PTPRH: variants seen among roughly 807,000 people sequenced by gnomAD.
PTPRH encodes the protein receptor-type tyrosine-protein phosphatase H.
In PTPRH, 113 loss-of-function variants were observed where a neutral mutation model predicts 130.2. The ratio of observed to expected loss-of-function variants is 0.87; its 90% CI spans 0.75 to 1.01. The LOEUF is 1.01. PTPRH is among the 50% of genes least tolerant of loss of function. The pLI is 0.00. For missense variants in PTPRH, 1,430 were observed against 1,425.0 expected, an observed-to-expected ratio of 1.00 and a Z score of -0.06; for synonymous variants, 556 against 577.9, an observed-to-expected ratio of 0.96 and a Z score of 0.54.
In PTPRH at chr19:55,205,005, C is replaced by T. The variant is rs148459512; in HGVS notation, c.619+321G>A. On this transcript the variant is annotated intron_variant, in intron 4 of 19. Transcript: ENST00000376350. ...CGCAGCTGGGGACTAGAAGAAGAGT[C>T]AGAGGGTCAGAGTGTCCCCACTCAC... Among the ~76,000 whole-genome samples the T allele has an allele frequency of 4.7e-3, 719 of 152,244 alleles. 3 individuals are homozygous for T. Among genetic ancestry groups the T allele is most frequent in the African/African-American group, 0.017 (689 of 41,520 alleles).
Position 55,181,790 on chromosome 19 carries a change from G to A in PTPRH, c.3312C>T (p.Asn1104=), listed in dbSNP as rs770213055. ...ACTTGTGGGCCTGGATGGCGGCCAC[G>A]TTCTCGTAGATGAGGTTTTCGACAT... The part of the protein sequence containing the change: ...YEDVENLIYE[N]VAAIQAHKLE... Residue 1104 remains asparagine, a synonymous_variant, in exon 20 of 20, where the codon AAC becomes AAT. Transcript: ENST00000376350. 2.8e-5 allele frequency: 46 copies of A among 1,614,178 alleles called. 1 individual carries two copies. Among genetic ancestry groups the A allele is most frequent in the South Asian group, 1.6e-4 (15 of 91,082 alleles).
intron 6 of PTPRH, 110 bp downstream of exon 6, chr19:55,201,946 C>A: frequency 6.6e-7 from 1 of 1,510,664 alleles, no homozygotes; most frequent in South Asian, 1.3e-5. Context: ...GACATGAGTA[C>A]CTGGCTCAAT....
intron 4 of PTPRH, among the ~76,000 whole-genome samples, 154 bp from the exon 5 acceptor site, chr19:55,204,202 C>T (rs556412156): frequency 6.6e-6 from 1 of 152,316 alleles, no homozygotes; most frequent in East Asian, 1.9e-4. Context: ...TCACCACAGC[C>T]TCCGCCGTCC....
In PTPRH at chr19:55,200,228, G is replaced by A. The variant is rs762668087; in HGVS notation, c.1420+8C>T. On this transcript the variant is annotated splice_region_variant and intron_variant, in intron 7 of 19. Coordinates refer to ENST00000376350, the MANE Select transcript of PTPRH (RefSeq NM_002842.5). ...CCAAAACAGGGAGTGGCCGTTGAGGGTTCCTACCTGTGGAGATGCTGACAT... is the reference window on the plus strand; with the variant it reads ...CCAAAACAGGGAGTGGCCGTTGAGGATTCCTACCTGTGGAGATGCTGACAT... 22 of 1,613,822 alleles carry A rather than the reference G, an allele frequency of 1.4e-5. No individual in the cohort carries two copies. Among genetic ancestry groups the A allele is most frequent in the East Asian group, 8.9e-5 (4 of 44,904 alleles).
At position 55,198,922 on chromosome 19, in the gene PTPRH, G is replaced by A. The variant is rs1228557265; in HGVS notation, c.1421-10C>T. The A allele has an allele frequency of 1.3e-6, 2 of 1,500,170 alleles. No homozygotes were observed. Among genetic ancestry groups the A allele is most frequent in the Admixed American group, 2.2e-5 (1 of 45,408 alleles). The allele number at this position is 1,500,170 out of a possible 1,614,324, so 92.9% of individuals were successfully genotyped here. On this transcript the variant is annotated splice_polypyrimidine_tract_variant and intron_variant, in intron 7 of 19. Transcript: ENST00000376350. Reference sequence around the variant, plus strand: ...GTCACTGCGTTGGGGACTGGGAGAGGGAGCAGAGTCAGGATTTCCACATCC... The same window carrying A: ...GTCACTGCGTTGGGGACTGGGAGAGAGAGCAGAGTCAGGATTTCCACATCC...
chr19:55,184,625 A>G (rs923894656), intron 18 of PTPRH, among the ~76,000 whole-genome samples: 3 of 151,562 alleles, frequency 2.0e-5, no homozygotes, highest in Non-Finnish European at 4.4e-5. Context: ...CATCTCTACT[A>G]AAAATACAAA....
intron 13 of PTPRH, 107 bp from the exon 14 acceptor site, chr19:55,187,710 C>T (rs995465142): frequency 1.8e-5 from 14 of 786,134 alleles, no homozygotes; most frequent in Admixed American, 4.1e-5. Context: ...CTTGTTTATT[C>T]GTTGCACCCT....
chr19:55,204,498 T>G (rs1309757284), intron 4 of PTPRH, among the ~76,000 whole-genome samples: 1 of 152,186 alleles, frequency 6.6e-6, no homozygotes, highest in Non-Finnish European at 1.5e-5. Context: ...GGGCTTCTCA[T>G]TCTTTGCTGT....
chr19:55,183,461 C>T (rs1055125021), intron 18 of PTPRH, among the ~76,000 whole-genome samples: 2 of 152,188 alleles, frequency 1.3e-5, no homozygotes, highest in East Asian at 1.9e-4. Flanking sequence ...CACTGGCTCA[C>T]GCCTGTAATC....
intron 14 of PTPRH, 100 bp from the exon 15 acceptor site, chr19:55,186,640 A>ACAGGC (rs1555875420): frequency 0.016 from 18,214 of 1,170,218 alleles, 146 homozygotes; most frequent in Middle Eastern, 0.02. Flanking sequence ...AGACAAGACC[A>ACAGGC]AGACCCATGG....
intron 10 of PTPRH, among the ~76,000 whole-genome samples, chr19:55,192,962 C>G (rs2086584898): frequency 1.3e-5 from 2 of 151,878 alleles, no homozygotes; most frequent in African/African-American, 4.8e-5. Flanking sequence ...GGCATGGTGG[C>G]TCACCCCTGT....
intron 8 of PTPRH, among the ~76,000 whole-genome samples, chr19:55,197,820 G>A (rs2086734087): frequency 6.6e-6 from 1 of 152,112 alleles, no homozygotes; most frequent in Non-Finnish European, 1.5e-5. Flanking sequence ...TTTCCCACAG[G>A]AACCCCAGGT....
chr19:55,202,759 C>T (rs1004320651), intron 5 of PTPRH, among the ~76,000 whole-genome samples: 12 of 152,002 alleles, frequency 7.9e-5, no homozygotes, highest in Admixed American at 2.6e-4. Context: ...TTTGTATCTG[C>T]CAGGCGCAGT....
chr19:55,192,743 G>C (rs2086578969), intron 10 of PTPRH, among the ~76,000 whole-genome samples: 2 of 151,350 alleles, frequency 1.3e-5, no homozygotes, highest in Admixed American at 1.3e-4. Context: ...AGTAGAGTTG[G>C]GGTTTCACCG....
At position 55,182,505 on chromosome 19, in the gene PTPRH, A is replaced by G. The variant is rs536726449; in HGVS notation, c.3063-354T>C. Reference sequence around the variant, plus strand: ...ACCACTGCACTCCAGCCTGGGCGACAAGAGCAAAACTCCCATCTCAAAAAC... The same window carrying G: ...ACCACTGCACTCCAGCCTGGGCGACGAGAGCAAAACTCCCATCTCAAAAAC... On this transcript the variant is annotated intron_variant, in intron 18 of 19. Transcript: ENST00000376350. Among the ~76,000 whole-genome samples the G allele has an allele frequency of 2.0e-5, 3 of 152,246 alleles. No individual in the cohort carries two copies. In the South Asian group the frequency reaches 6.2e-4, roughly 32 times the overall value.
intron 10 of PTPRH, among the ~76,000 whole-genome samples, chr19:55,193,406 G>C (rs2086598080): frequency 6.6e-6 from 1 of 152,058 alleles, no homozygotes; most frequent in African/African-American, 2.4e-5. Flanking sequence ...CTCCAGCCTG[G>C]GCAACAGAGT....
chr19:55,192,061 A>G, intron 10 of PTPRH: 1 of 469,722 alleles, frequency 2.1e-6, no homozygotes, highest in Non-Finnish European at 4.1e-6. Context: ...CTTCCTTAGG[A>G]TATTCTTAGT....
chr19:55,196,809 G>C, intron 9 of PTPRH, 21 bp from the exon 10 acceptor site: 1 of 1,605,600 alleles, frequency 6.2e-7, no homozygotes, highest in Non-Finnish European at 8.5e-7. Flanking sequence ...GAAGCAAGAG[G>C]TCAGCAGTGC....
intron 10 of PTPRH, among the ~76,000 whole-genome samples, chr19:55,192,425 G>T (rs528236867): frequency 5.9e-5 from 9 of 151,916 alleles, no homozygotes; most frequent in Admixed American, 1.3e-4. Flanking sequence ...CAAACAAAAA[G>T]AATACAGTAT....
Sources: gnomAD v4.1 joint callset for allele counts (sites outside exome capture counted in the v4.1 genomes callset) on GRCh38, gnomAD v4.1.1 for gene constraint, MANE v1.5 for transcripts, NCBI Gene and HGNC (gene_info 2026-07-23, HGNC 2026-07-21) for gene names.